COBL: variants seen among roughly 807,000 people sequenced by gnomAD.
COBL encodes cordon-bleu WH2 repeat protein.
Under a neutral mutation model 98.8 loss-of-function variants are expected in COBL, and 51 were observed. The ratio of observed to expected loss-of-function variants is 0.52; its 90% CI spans 0.41 to 0.65. COBL has a LOEUF of 0.65. COBL is among the 30% of genes least tolerant of loss of function. The probability of loss-of-function intolerance (pLI) is 0.00; values close to 1 mark genes in which losing one functional copy is unlikely to be tolerated. For synonymous variants in COBL, 634 were observed against 651.7 expected, an observed-to-expected ratio of 0.97 and a Z score of 0.41; for missense variants, 1,617 against 1,617.5, an observed-to-expected ratio of 1.00 and a Z score of 0.01.
At chr7:51,185,656 G>T (rs565759745) in intron 4 of COBL, among the ~76,000 whole-genome samples, 1 of 152,352 alleles carries the variant, frequency 6.6e-6, no homozygotes, top group African/African-American at 2.4e-5. Flanking sequence ...CCATATCACT[G>T]CCAACTGATA....
At chr7:51,106,880 T>C (rs537286524) in intron 6 of COBL, among the ~76,000 whole-genome samples, 3 of 150,082 alleles carry the variant, frequency 2.0e-5, no homozygotes, top group South Asian at 4.2e-4. Flanking sequence ...CCTTTTTTTT[T>C]CTACCTGACT....
Position 51,191,049 on chromosome 7 carries a change from C to T in COBL, c.486G>A (p.Leu162=). ...CACGCACAACAGCTTTTTGTGTCCG[C>T]AGGTAATTCACGACCAAACGCACAG... is the stretch of plus-strand genomic sequence containing the variant. The part of the protein sequence containing the change: ...EKSVRLVVNY[L]RTQKAVVRVS... Residue 162 remains leucine (L), a synonymous_variant, in exon 4 of 13, where the codon CTG becomes CTA. Coordinates refer to ENST00000265136, the MANE Select transcript of COBL (RefSeq NM_015198.5). 1 of 1,614,126 alleles carries T rather than the reference C, an allele frequency of 6.2e-7. No individual in the cohort carries two copies. Among genetic ancestry groups the T allele is most frequent in the Non-Finnish European group, 8.5e-7 (1 of 1,180,036 alleles).
At chr7:51,215,986 T>C (rs1292076615) in intron 2 of COBL, among the ~76,000 whole-genome samples, 3 of 151,688 alleles carry the variant, frequency 2.0e-5, no homozygotes, top group Non-Finnish European at 4.4e-5. Context: ...GTAAAGGGGA[T>C]GCAATGGCCT....
chr7:51,254,076 T>TC (rs1200015424), intron 1 of COBL, among the ~76,000 whole-genome samples: 3 of 152,060 alleles, frequency 2.0e-5, no homozygotes, highest in Admixed American at 2.0e-4. Context: ...GAGTTGTTTT[T>TC]TTTTTGTCAA....
chr7:51,030,870 G>A lies in COBL; in HGVS notation c.1446C>T (p.Asp482=). 1.9e-6 allele frequency: 3 copies of A among 1,612,976 alleles called. No individual in the cohort carries two copies. The South Asian group carries it at 3.3e-5, about 18-fold the overall frequency. The part of the protein sequence containing the change: ...KAVTASNDEE[D]LLIAGEFRKT... ...TACGGAACTCTCCAGCAATTAATAG[G>A]TCTTCTTCATCATTTGAGGCTGTGA... Residue 482 remains aspartate, a synonymous_variant, in exon 9 of 13, where the codon GAC becomes GAT. Coordinates refer to ENST00000265136, the MANE Select transcript of COBL (RefSeq NM_015198.5).
chr7:51,225,526 G>A (rs1025134689), intron 1 of COBL, among the ~76,000 whole-genome samples: 1 of 152,120 alleles, frequency 6.6e-6, no homozygotes, highest in African/African-American at 2.4e-5. Flanking sequence ...GACTCAGCAG[G>A]GAATGAATCA....
chr7:51,266,719 CG>C (rs1008852897), intron 1 of COBL, among the ~76,000 whole-genome samples: 2 of 152,128 alleles, frequency 1.3e-5, no homozygotes, highest in African/African-American at 4.8e-5. Flanking sequence ...CACAAATGGA[CG>C]GAAGGAAAGG....
At chr7:51,050,427 C>T (rs1268606023) in intron 7 of COBL, among the ~76,000 whole-genome samples, 1 of 152,186 alleles carries the variant, frequency 6.6e-6, no homozygotes, top group African/African-American at 2.4e-5. Flanking sequence ...CTCTGCCCAC[C>T]ACTCTCACTC....
intron 8 of COBL, among the ~76,000 whole-genome samples, chr7:51,042,810 G>A (rs1789332510): frequency 6.6e-6 from 1 of 152,132 alleles, no homozygotes; most frequent in Non-Finnish European, 1.5e-5. Flanking sequence ...GCCATCTGAC[G>A]CCTACATGCT....
chr7:51,131,464 G>T (rs2129001412), intron 6 of COBL, among the ~76,000 whole-genome samples: 1 of 152,226 alleles, frequency 6.6e-6, no homozygotes, highest in Admixed American at 6.5e-5. Flanking sequence ...TTAAAAACCT[G>T]CTCTGTAACA....
intron 1 of COBL, among the ~76,000 whole-genome samples, chr7:51,226,898 A>C (rs2129098524): frequency 6.6e-6 from 1 of 152,344 alleles, no homozygotes; most frequent in South Asian, 2.1e-4. Context: ...TTTTACAGAC[A>C]GGGTGGCTGA....
At chr7:51,084,186 T>A (rs541422421) in intron 7 of COBL, among the ~76,000 whole-genome samples, 9 of 152,176 alleles carry the variant, frequency 5.9e-5, no homozygotes, top group Non-Finnish European at 1.3e-4. Flanking sequence ...GGAAAGACGC[T>A]GACAAACTGC....
intron 6 of COBL, among the ~76,000 whole-genome samples, chr7:51,100,355 C>A (rs1795701088): frequency 6.6e-6 from 1 of 152,192 alleles, no homozygotes; most frequent in Non-Finnish European, 1.5e-5. Flanking sequence ...ACGTTCCTGA[C>A]CTCAAGCTGT....
At chr7:51,136,446 G>T in intron 5 of COBL, 115 bp from the exon 6 acceptor site, 1 of 1,099,706 alleles carries the variant, frequency 9.1e-7, no homozygotes, top group Non-Finnish European at 1.3e-6. Context: ...AACGGCAGCT[G>T]TTTCTACAGT....
intron 12 of COBL, among the ~76,000 whole-genome samples, chr7:51,018,775 C>T (rs1238202886): frequency 1.3e-5 from 2 of 150,272 alleles, no homozygotes; most frequent in Non-Finnish European, 3.0e-5. Context: ...GCCTGTAATG[C>T]CAGCTACTCA....
chr7:51,312,031 T>A (rs1403730905), intron 1 of COBL, among the ~76,000 whole-genome samples: 1 of 151,768 alleles, frequency 6.6e-6, no homozygotes, highest in African/African-American at 2.4e-5. Flanking sequence ...ATATAATAAA[T>A]ACAGGACCTC....
At chr7:51,121,159 C>T (rs1204069059) in intron 6 of COBL, among the ~76,000 whole-genome samples, 1 of 152,240 alleles carries the variant, frequency 6.6e-6, no homozygotes, top group Non-Finnish European at 1.5e-5. Flanking sequence ...GTTCCAATTT[C>T]TCTACATCCC....
intron 8 of COBL, chr7:51,033,496 T>C (rs992513674): frequency 6.6e-6 from 1 of 152,234 alleles, no homozygotes; most frequent in Admixed American, 6.5e-5. Flanking sequence ...TGTTAGCATG[T>C]TATGTGAAGA....
At chr7:51,087,457 T>C (rs145954391) in intron 6 of COBL, among the ~76,000 whole-genome samples, 1 of 152,310 alleles carries the variant, frequency 6.6e-6, no homozygotes, top group Non-Finnish European at 1.5e-5. Context: ...CTGATCCTTA[T>C]GGATATTCCA....
Sources: allele counts gnomAD v4.1 joint callset (sites outside exome capture counted in the v4.1 genomes callset), GRCh38; gene constraint gnomAD v4.1.1; transcripts MANE v1.5; gene names NCBI Gene and HGNC (gene_info 2026-07-23, HGNC 2026-07-21).